The following CREBZF variants were observed in gnomAD, a reference collection of about 807,000 sequenced individuals.
The protein encoded by CREBZF is HCF-binding transcription factor Zhangfei.
In CREBZF, 8 loss-of-function variants were observed where a neutral mutation model predicts 21.1. The observed-to-expected ratio is 0.38, with a 90% CI of 0.22 to 0.68. CREBZF has a LOEUF of 0.68. Ranked by LOEUF, CREBZF falls within the 30% of genes least tolerant of loss-of-function variation. CREBZF has a pLI of 0.51. For synonymous variants in CREBZF, 270 were observed against 223.3 expected (o/e 1.21, Z -1.86); for missense variants, 518 against 484.3 (o/e 1.07, Z -0.65).
At position 85,663,541 on chromosome 11, in the gene CREBZF, A is replaced by G; in HGVS notation, c.*270T>C. On this transcript the variant is annotated 3_prime_UTR_variant, in exon 1 of 1. Coordinates refer to ENST00000527447, the MANE Select transcript of CREBZF (RefSeq NM_001039618.4). ...ATCCTTACCAGGTTGTGAGGCGGGA[A>G]CGACTGTTCTGTAACCCCTACAACG... 4.7e-6 allele frequency: 6 copies of G among 1,281,526 alleles called. No individual in the cohort carries two copies. The highest frequency in any genetic ancestry group is 6.7e-6 in the Non-Finnish European group (6 of 901,422). The allele number at this position is 1,281,526 out of a possible 1,614,324, so 79.4% of individuals were successfully genotyped here.
intron 1 of CREBZF, among the ~76,000 whole-genome samples, chr11:85,672,972 A>G (rs1229367644): frequency 1.3e-5 from 2 of 152,206 alleles, no homozygotes; most frequent in East Asian, 3.8e-4. Flanking sequence ...CTCCACAAGA[A>G]TATACTTAGC....
intron 1 of CREBZF, among the ~76,000 whole-genome samples, chr11:85,676,286 T>C (rs2082941706): frequency 1.3e-5 from 2 of 152,234 alleles, no homozygotes; most frequent in African/African-American, 4.8e-5. Flanking sequence ...ACTTCTCAAG[T>C]GGAAGTTGTT....
In CREBZF at chr11:85,661,957, G is replaced by A. The variant is rs1203770634; in HGVS notation, c.*1854C>T. ...TCAAATAATCTTTCCAACTACTTTT[G>A]GTTTATATATATATATATATATGTA... On this transcript the variant is annotated 3_prime_UTR_variant, in exon 1 of 1. Coordinates refer to ENST00000527447, the MANE Select transcript of CREBZF (RefSeq NM_001039618.4). 6.8e-6 allele frequency: 1 copy of A among 146,790 alleles called. No individual in the cohort carries two copies. Among genetic ancestry groups the A allele is most frequent in the Non-Finnish European group, 1.5e-5 (1 of 66,914 alleles). The allele number at this position is 146,790 out of a possible 1,614,324, so 9.1% of individuals were successfully genotyped here.
chr11:85,679,054 CTT>C (rs879350584), intron 1 of CREBZF, among the ~76,000 whole-genome samples: 5 of 152,288 alleles, frequency 3.3e-5, no homozygotes, highest in Admixed American at 3.3e-4. Context: ...CAGAGAATCT[CTT>C]GAGTCTATTT....
At chr11:85,669,092 G>A (rs1314232180), upstream of CREBZF, among the ~76,000 whole-genome samples, 2 of 143,000 alleles carry the variant, frequency 1.4e-5, no homozygotes, top group Non-Finnish European at 3.0e-5. Context: ...AACATGAATG[G>A]CTATTTTATT....
At chr11:85,675,233 C>G (rs1200828103) in intron 1 of CREBZF, among the ~76,000 whole-genome samples, 1 of 152,200 alleles carries the variant, frequency 6.6e-6, no homozygotes, top group Non-Finnish European at 1.5e-5. Flanking sequence ...AAAGACCAAG[C>G]TTTCAGCCTG....
chr11:85,677,695 T>G (rs2082950941), intron 1 of CREBZF, among the ~76,000 whole-genome samples: 1 of 152,220 alleles, frequency 6.6e-6, no homozygotes, highest in African/African-American at 2.4e-5. Context: ...GCATACTGTA[T>G]TGCACCAGCA....
chr11:85,668,996 C>A (rs573648028), upstream of CREBZF, among the ~76,000 whole-genome samples: 1 of 33,908 alleles, frequency 2.9e-5, no homozygotes, highest in African/African-American at 9.9e-5. Context: ...AGCGAGACTC[C>A]GTCTCAAAAA....
intron 1 of CREBZF, among the ~76,000 whole-genome samples, chr11:85,681,931 A>C (rs2082978465): frequency 6.6e-6 from 1 of 152,226 alleles, no homozygotes. Context: ...GGAAGAAAAC[A>C]ATGCCTTTTT....
At chr11:85,669,575 T>A (rs1363086548), upstream of CREBZF, among the ~76,000 whole-genome samples, 1 of 152,156 alleles carries the variant, frequency 6.6e-6, no homozygotes, top group Non-Finnish European at 1.5e-5. Context: ...ATAAAAATGC[T>A]ATACAGAGAT....
rs2082602912 is a variant in CREBZF, at chr11:85,659,160, G to C, written c.*4651C>G. Among the ~76,000 whole-genome samples the C allele has an allele frequency of 2.0e-5, 3 of 151,964 alleles. No homozygotes were observed. Among genetic ancestry groups the C allele is most frequent in the Admixed American group, 1.3e-4 (2 of 15,246 alleles). ...TAACATTTAGGAGTCTCAAAACTTTGTATTGGCTGTGAGTCTGGGGGAAAA... is the reference window on the plus strand; with the variant it reads ...TAACATTTAGGAGTCTCAAAACTTTCTATTGGCTGTGAGTCTGGGGGAAAA... On this transcript the variant is annotated 3_prime_UTR_variant, in exon 1 of 1. Transcript: ENST00000527447.
chr11:85,682,821 C>T, exon 1 of CREBZF: 1 of 702,184 alleles, frequency 1.4e-6, no homozygotes, highest in Non-Finnish European at 2.6e-6. Context: ...ACCACGGGGC[C>T]GCAATTTGGG....
rs1410697985 is a variant in CREBZF at position 85,661,054 on chromosome 11, G to C, written c.*2757C>G. The C allele has an allele frequency of 1.3e-5, 2 of 153,354 alleles. No individual in the cohort carries two copies. Among genetic ancestry groups the C allele is most frequent in the African/African-American group, 4.8e-5 (2 of 41,444 alleles). The allele number at this position is 153,354 out of a possible 1,614,324, so 9.5% of individuals were successfully genotyped here. A position where few individuals can be genotyped will look rare whatever the true frequency, so the allele number is the denominator to read the frequency against. The stretch of plus-strand genomic sequence containing the variant: ...TCCAGAACACAATTTTCTAAAAATA[G>C]TAAGACAACAGTTTCACATTAATCA... On this transcript the variant is annotated 3_prime_UTR_variant, in exon 1 of 1. Transcript: ENST00000527447.
intron 1 of CREBZF, among the ~76,000 whole-genome samples, chr11:85,671,642 A>G (rs761442127): frequency 8.5e-5 from 13 of 152,252 alleles, no homozygotes; most frequent in Non-Finnish European, 1.0e-4. Context: ...GGCCCCATGC[A>G]AGTCCATAAT....
intron 1 of CREBZF, among the ~76,000 whole-genome samples, chr11:85,679,408 A>T (rs1366291409): frequency 6.6e-6 from 1 of 152,208 alleles, no homozygotes; most frequent in African/African-American, 2.4e-5. Flanking sequence ...TGGCTAATAG[A>T]TTCTCAATAA....
chr11:85,666,176 C>A (rs769398582), upstream of CREBZF, among the ~76,000 whole-genome samples: 8 of 152,024 alleles, frequency 5.3e-5, no homozygotes, highest in Non-Finnish European at 8.8e-5. Context: ...TTTTAGAGAC[C>A]TTTTCTGTTT....
In CREBZF at chr11:85,659,837, A is replaced by G. The variant is rs2082624821; in HGVS notation, c.*3974T>C. 6.6e-6 allele frequency: 1 copy of G among 152,134 alleles called. No homozygotes were observed. Among genetic ancestry groups the G allele is most frequent in the African/African-American group, 2.4e-5 (1 of 41,466 alleles). The allele number at this position is 152,134 out of a possible 1,614,324, so 9.4% of individuals were successfully genotyped here. On this transcript the variant is annotated 3_prime_UTR_variant, in exon 1 of 1. Transcript: ENST00000527447. ...TATACAACACTAGATAAATTTTTAT[A>G]TAAAACAGTAGAAACTAGCATACCA...
At chr11:85,677,210 G>C (rs986529694) in intron 1 of CREBZF, among the ~76,000 whole-genome samples, 1 of 151,776 alleles carries the variant, frequency 6.6e-6, no homozygotes, top group African/African-American at 2.4e-5. Context: ...GGTGATCCAC[G>C]CACCTTGGCC....
Position 85,662,532 on chromosome 11 carries a change from C to G in CREBZF, c.*1279G>C. The G allele has an allele frequency of 1.5e-6, 1 of 681,038 alleles. No individual in the cohort carries two copies. Among genetic ancestry groups the G allele is most frequent in the East Asian group, 2.7e-5 (1 of 36,836 alleles). The allele number at this position is 681,038 out of a possible 1,614,324, so 42.2% of individuals were successfully genotyped here. A position where few individuals can be genotyped will look rare whatever the true frequency, so the allele number is the denominator to read the frequency against. On this transcript the variant is annotated 3_prime_UTR_variant, in exon 1 of 1. Coordinates refer to ENST00000527447, the MANE Select transcript of CREBZF (RefSeq NM_001039618.4). ...AGCAGTGATGTTTCACAAAGAATTT[C>G]TTAATGCCTCTTACACTGAAGGACA... is the stretch of plus-strand genomic sequence containing the variant.
Sources: gnomAD v4.1 joint callset for allele counts (sites outside exome capture counted in the v4.1 genomes callset) on GRCh38, gnomAD v4.1.1 for gene constraint, MANE v1.5 for transcripts, NCBI Gene and HGNC (gene_info 2026-07-23, HGNC 2026-07-21) for gene names.